The following RAP1A variants were observed in gnomAD, a reference collection of about 807,000 sequenced individuals.
RAP1A encodes the protein ras-related protein Rap-1A.
In RAP1A, 6 loss-of-function variants were observed where a neutral mutation model predicts 26.4. The observed-to-expected ratio is 0.23, with a 90% CI of 0.12 to 0.45. The LOEUF (loss-of-function observed/expected upper bound fraction) is 0.45, where lower values mean the gene tolerates loss of function less well. RAP1A is among the 20% of genes least tolerant of loss of function. The pLI is 0.99. For missense variants in RAP1A, 121 were observed against 217.2 expected (o/e 0.56, Z 2.78); for synonymous variants, 73 against 79.4 (o/e 0.92, Z 0.43).
At chr1:111,604,819 C>G (rs1658739716) in intron 1 of RAP1A, 1 of 152,200 alleles carries the variant, frequency 6.6e-6, no homozygotes, top group Admixed American at 6.5e-5. Context: ...GCTTTGAAGC[C>G]TGGGGTCTGC....
chr1:111,557,790 T>G (rs1245102337), intron 1 of RAP1A, among the ~76,000 whole-genome samples: 1 of 152,094 alleles, frequency 6.6e-6, no homozygotes, highest in Non-Finnish European at 1.5e-5. Context: ...AATAGCTAAT[T>G]TATGGGATAA....
chr1:111,661,749 A>G (rs1197862710), intron 1 of RAP1A, among the ~76,000 whole-genome samples: 1 of 150,318 alleles, frequency 6.7e-6, no homozygotes, highest in Non-Finnish European at 1.5e-5. Flanking sequence ...CAGTGAGCCG[A>G]GATTGCGCCA....
At chr1:111,605,340 A>T (rs2101075073) in intron 1 of RAP1A, among the ~76,000 whole-genome samples, 1 of 152,336 alleles carries the variant, frequency 6.6e-6, no homozygotes, top group African/African-American at 2.4e-5. Context: ...ATGTCTTTGG[A>T]TCCCCAGGGC....
At chr1:111,572,977 C>T (rs1451815201) in intron 1 of RAP1A, among the ~76,000 whole-genome samples, 3 of 152,108 alleles carry the variant, frequency 2.0e-5, no homozygotes, top group Non-Finnish European at 4.4e-5. Context: ...TTAGTTCCCA[C>T]TTATAAGAAA....
upstream of RAP1A, among the ~76,000 whole-genome samples, chr1:111,619,558 T>TAC: frequency 1.3e-5 from 2 of 152,324 alleles, no homozygotes; most frequent in East Asian, 3.9e-4. Flanking sequence ...CTCATCTTTT[T>TAC]TCCGGTCTTA....
intron 1 of RAP1A, among the ~76,000 whole-genome samples, chr1:111,670,827 T>TC (rs1660949530): frequency 6.6e-6 from 1 of 152,244 alleles, no homozygotes; most frequent in Non-Finnish European, 1.5e-5. Flanking sequence ...TTTCAGATGG[T>TC]AGATTATTGT....
intron 1 of RAP1A, among the ~76,000 whole-genome samples, chr1:111,548,652 A>G (rs1047867085): frequency 6.6e-6 from 1 of 152,164 alleles, no homozygotes; most frequent in African/African-American, 2.4e-5. Context: ...CACAAACAAG[A>G]TTAATTTTTT....
intron 1 of RAP1A, among the ~76,000 whole-genome samples, chr1:111,625,575 G>C (rs2101095698): frequency 6.6e-6 from 1 of 152,220 alleles, no homozygotes; most frequent in Non-Finnish European, 1.5e-5. Context: ...TTCTAGACAA[G>C]TTGGCTATAT....
At chr1:111,569,614 C>T (rs1055815340) in intron 1 of RAP1A, among the ~76,000 whole-genome samples, 2 of 151,750 alleles carry the variant, frequency 1.3e-5, no homozygotes, top group African/African-American at 4.8e-5. Context: ...ACTTGGGTGA[C>T]TCCAGGGTTC....
chr1:111,689,821 C>T (rs1661614354), intron 1 of RAP1A, among the ~76,000 whole-genome samples: 1 of 152,144 alleles, frequency 6.6e-6, no homozygotes, highest in Non-Finnish European at 1.5e-5. Flanking sequence ...AGGCACCCGC[C>T]ACCCGCCACC....
chr1:111,673,736 T>C (rs1395760143), intron 1 of RAP1A, among the ~76,000 whole-genome samples: 4 of 152,190 alleles, frequency 2.6e-5, no homozygotes, highest in Non-Finnish European at 5.9e-5. Flanking sequence ...TGGAAGAACA[T>C]AGAGGTTTTC....
intron 1 of RAP1A, among the ~76,000 whole-genome samples, chr1:111,640,337 A>G (rs746574257): frequency 3.3e-5 from 5 of 152,242 alleles, no homozygotes; most frequent in Non-Finnish European, 7.3e-5. Flanking sequence ...GTTTTATAAA[A>G]CTTCAAATGT....
intron 1 of RAP1A, among the ~76,000 whole-genome samples, chr1:111,673,091 A>G (rs1025159820): frequency 6.6e-6 from 1 of 152,050 alleles, no homozygotes; most frequent in African/African-American, 2.4e-5. Context: ...GTGTATTGGT[A>G]TATTTATGTG....
intron 1 of RAP1A, among the ~76,000 whole-genome samples, chr1:111,575,362 A>T (rs1469328251): frequency 6.6e-6 from 1 of 152,208 alleles, no homozygotes; most frequent in African/African-American, 2.4e-5. Flanking sequence ...CATGTTGGCC[A>T]GGCTGGTCTC....
chr1:111,617,221 G>C (rs1360577011), upstream of RAP1A, among the ~76,000 whole-genome samples: 1 of 152,150 alleles, frequency 6.6e-6, no homozygotes, highest in Non-Finnish European at 1.5e-5. Context: ...TGCCGCCTCT[G>C]CTCTACAGGG....
intron 1 of RAP1A, among the ~76,000 whole-genome samples, chr1:111,642,281 C>A (rs1659914549): frequency 6.6e-6 from 1 of 151,946 alleles, no homozygotes; most frequent in Non-Finnish European, 1.5e-5. Context: ...AATAAAGGGA[C>A]AATAATCCCC....
At chr1:111,698,765 A>T (rs1661919826) in intron 4 of RAP1A, among the ~76,000 whole-genome samples, 1 of 152,064 alleles carries the variant, frequency 6.6e-6, no homozygotes, top group East Asian at 1.9e-4. Flanking sequence ...CTTATCAGGG[A>T]CCTTTGCCCT....
intron 1 of RAP1A, among the ~76,000 whole-genome samples, chr1:111,586,413 T>C (rs1658365264): frequency 1.3e-5 from 2 of 152,114 alleles, no homozygotes; most frequent in South Asian, 4.2e-4. Context: ...TGAAACCCCA[T>C]CTCCACAAAA....
intron 1 of RAP1A, among the ~76,000 whole-genome samples, chr1:111,633,320 C>T (rs973074159): frequency 3.3e-5 from 5 of 152,130 alleles, no homozygotes; most frequent in Non-Finnish European, 5.9e-5. Flanking sequence ...TACATAACCC[C>T]TGGCATGAAG....
Sources: allele counts gnomAD v4.1 joint callset (sites outside exome capture counted in the v4.1 genomes callset), GRCh38; gene constraint gnomAD v4.1.1; transcripts MANE v1.5; gene names NCBI Gene and HGNC (gene_info 2026-07-23, HGNC 2026-07-21).